The following SEZ6 variants were observed in gnomAD, a reference collection of about 807,000 sequenced individuals.
SEZ6 encodes the protein seizure protein 6 homolog.
Under a neutral mutation model 101.0 loss-of-function variants are expected in SEZ6, and 53 were observed. The observed-to-expected ratio is 0.52, with a 90% CI of 0.42 to 0.66. SEZ6 has a LOEUF of 0.66. Among genes scored for constraint, SEZ6 ranks in the 30% least tolerant of loss-of-function variants. The probability of loss-of-function intolerance (pLI) is 0.00; values close to 1 mark genes in which losing one functional copy is unlikely to be tolerated. For synonymous variants in SEZ6, 488 were observed against 512.2 expected (o/e 0.95, Z 0.64); for missense variants, 1,102 against 1,289.4 (o/e 0.85, Z 2.23).
At chr17:28,958,853 C>T (rs1376872478) in intron 10 of SEZ6, among the ~76,000 whole-genome samples, 172 bp downstream of exon 10, 6 of 152,002 alleles carry the variant, frequency 3.9e-5, no homozygotes, top group Admixed American at 6.5e-5. Flanking sequence ...CTATAGAATT[C>T]TGGCTCTCCC....
At position 28,975,721 on chromosome 17, in the gene SEZ6, C is replaced by T. The variant is rs77147379; in HGVS notation, c.858+3959G>A. On this transcript the variant is annotated intron_variant, in intron 3 of 16. Transcript: ENST00000317338. ...GCCCACATCAGGCCTGGTCCTGACA[C>T]GGCTTAGAAGGGCAGGGTATTCTGG... 8.6e-3 allele frequency among the ~76,000 whole-genome samples: 1,311 copies of T among 152,340 alleles called. 9 individuals carry two copies. Among genetic ancestry groups the T allele is most frequent in the Middle Eastern group, 0.044 (13 of 294 alleles).
At chr17:28,960,336 A>G in intron 7 of SEZ6, 169 bp downstream of exon 7, 1 of 863,836 alleles carries the variant, frequency 1.2e-6, no homozygotes. Flanking sequence ...GGGATCCCGG[A>G]CCCAAAGAGA....
chr17:28,972,776 C>T (rs1050804018), intron 3 of SEZ6, among the ~76,000 whole-genome samples: 2 of 152,178 alleles, frequency 1.3e-5, no homozygotes, highest in Non-Finnish European at 1.5e-5. Context: ...CATATAATTC[C>T]GCCTTAAGTG....
chr17:28,970,231 A>G (rs193153382), intron 3 of SEZ6, among the ~76,000 whole-genome samples: 6 of 152,276 alleles, frequency 3.9e-5, no homozygotes, highest in Middle Eastern at 3.4e-3. Context: ...TCTGTCTCCA[A>G]GCTTTTCAGA....
At chr17:28,960,210 T>C (rs2040953760) in intron 7 of SEZ6, 2 of 576,176 alleles carry the variant, frequency 3.5e-6, no homozygotes, top group South Asian at 4.1e-5. Context: ...GAATGTCTCT[T>C]ACAGCAATTC....
At chr17:29,000,557 G>A (rs190839019) in intron 1 of SEZ6, among the ~76,000 whole-genome samples, 1 of 152,298 alleles carries the variant, frequency 6.6e-6, no homozygotes, top group African/African-American at 2.4e-5. Context: ...TGCTCTTTTA[G>A]GAGTTGTGGA....
chr17:28,973,754 G>A (rs1481189309), intron 3 of SEZ6, among the ~76,000 whole-genome samples: 1 of 152,212 alleles, frequency 6.6e-6, no homozygotes, highest in Non-Finnish European at 1.5e-5. Flanking sequence ...ATGAAGTCTT[G>A]ATGCAATTTG....
Position 29,005,689 on chromosome 17 carries a change from C to A in SEZ6, c.55+126G>T, listed in dbSNP as rs931393987. On this transcript the variant is annotated intron_variant, in intron 1 of 16. Transcript: ENST00000317338. The surrounding 1 kb of genome is among the most constrained non-coding windows in gnomAD (Gnocchi z 4.8). ...GGCTTGGCCGGCGCCGGGGGCAGCG[C>A]AGCCGGCGGGGCGCGGTGCTTGGAC... 29 of 955,044 alleles carry A rather than the reference C, an allele frequency of 3.0e-5. No individual in the cohort carries two copies. The African/African-American group carries it at 4.6e-4, about 15-fold the overall frequency. 59.2% of individuals were successfully genotyped at this position (955,044 alleles called of 1,614,324 possible).
Position 28,960,198 on chromosome 17 carries a change from T to C in SEZ6, c.1577-306A>G, listed in dbSNP as rs2040953643. ...CAATGCATGCATGCATAAATGGTTCTAGAATGTCTCTTACAGCAATTCTTT... is the reference window on the plus strand; with the variant it reads ...CAATGCATGCATGCATAAATGGTTCCAGAATGTCTCTTACAGCAATTCTTT... On this transcript the variant is annotated intron_variant, in intron 7 of 16. Coordinates refer to ENST00000317338, the MANE Select transcript of SEZ6 (RefSeq NM_178860.5). The C allele has an allele frequency of 5.2e-6, 3 of 574,894 alleles. No individual in the cohort carries two copies. In the South Asian group the frequency reaches 6.1e-5, roughly 12 times the overall value. 35.6% of individuals were successfully genotyped at this position (574,894 alleles called of 1,614,324 possible).
rs540762015 is a variant in SEZ6, at chr17:28,998,220, T to C, written c.55+7595A>G. Among the ~76,000 whole-genome samples the C allele has an allele frequency of 3.3e-5, 5 of 152,110 alleles. No homozygotes were observed. The South Asian group carries it at 1.0e-3, about 32-fold the overall frequency. On this transcript the variant is annotated intron_variant, in intron 1 of 16. Coordinates refer to ENST00000317338, the MANE Select transcript of SEZ6 (RefSeq NM_178860.5). ...ATGAGCAAAAAGGGGTAAACCAGCA[T>C]GCACATGAGCATGGGGGGCGCTCAG...
chr17:28,956,302 G>C, intron 15 of SEZ6, 41 bp from the exon 16 acceptor site: 1 of 1,586,568 alleles, frequency 6.3e-7, no homozygotes, highest in Non-Finnish European at 8.6e-7. Context: ...GCACTGGGTA[G>C]GAGTGAGGTA....
chr17:28,960,407 G>T, intron 7 of SEZ6, 98 bp downstream of exon 7: 2 of 1,463,506 alleles, frequency 1.4e-6, no homozygotes, highest in Non-Finnish European at 1.9e-6. Context: ...AGGAGTGACA[G>T]CATGGAGGCA....
chr17:28,992,658 C>T (rs748633176), intron 1 of SEZ6, among the ~76,000 whole-genome samples: 3 of 151,982 alleles, frequency 2.0e-5, no homozygotes, highest in Non-Finnish European at 2.9e-5. Flanking sequence ...TCCTGGACAG[C>T]GTCTCAGGCT....
chr17:28,991,061 A>G (rs998192089), intron 1 of SEZ6, among the ~76,000 whole-genome samples: 1 of 151,646 alleles, frequency 6.6e-6, no homozygotes, highest in African/African-American at 2.4e-5. Context: ...ATGTGCCACC[A>G]TGGCCAGCTA....
chr17:28,994,507 C>G (rs1250308096), intron 1 of SEZ6, among the ~76,000 whole-genome samples: 1 of 152,138 alleles, frequency 6.6e-6, no homozygotes, highest in Non-Finnish European at 1.5e-5. Context: ...ATCTCTTGAC[C>G]TCATGATCCG....
At chr17:28,993,871 G>A (rs142630645) in intron 1 of SEZ6, among the ~76,000 whole-genome samples, 72 of 152,334 alleles carry the variant, frequency 4.7e-4, no homozygotes, top group Non-Finnish European at 8.2e-4. Flanking sequence ...CTGAATCACC[G>A]GCCTGGCAGC....
rs2040943435 is a variant in SEZ6, at chr17:28,959,590, C to T, written c.1771+108G>A. ...CCCCCCACCTCCTCCTTGGAGGAAG[C>T]CTGAACCACGCATATCACAGGGCCC... On this transcript the variant is annotated intron_variant, in intron 8 of 16. Transcript: ENST00000317338. The surrounding 1 kb of genome is among the most constrained non-coding windows in gnomAD (Gnocchi z 4.4). 2 of 1,541,014 alleles carry T rather than the reference C, an allele frequency of 1.3e-6. No individual in the cohort carries two copies.
intron 1 of SEZ6, among the ~76,000 whole-genome samples, chr17:29,003,637 C>A (rs568660106): frequency 6.6e-6 from 1 of 152,330 alleles, no homozygotes; most frequent in Non-Finnish European, 1.5e-5. Context: ...TGGCCAAATG[C>A]GCTGCTCCCC....
At chr17:28,970,398 C>T (rs1289009471) in intron 3 of SEZ6, among the ~76,000 whole-genome samples, 1 of 152,184 alleles carries the variant, frequency 6.6e-6, no homozygotes, top group Non-Finnish European at 1.5e-5. Flanking sequence ...TTCCCCTGGA[C>T]ATCCCTGTTG....
Sources: allele counts gnomAD v4.1 joint callset (sites outside exome capture counted in the v4.1 genomes callset), GRCh38; gene constraint gnomAD v4.1.1; non-coding constraint Gnocchi (gnomAD v3.1); transcripts MANE v1.5; gene names NCBI Gene and HGNC (gene_info 2026-07-23, HGNC 2026-07-21).